XRN2: variants seen among roughly 807,000 people sequenced by gnomAD.
The protein encoded by XRN2 is DHM1-like protein.
In XRN2, 44 loss-of-function variants were observed where a neutral mutation model predicts 138.5. That is an observed-to-expected ratio of 0.32 (90% CI 0.25 to 0.41). The LOEUF is 0.41. Among genes scored for constraint, XRN2 ranks in the 10% least tolerant of loss-of-function variants. The probability of loss-of-function intolerance (pLI) is 1.00; values close to 1 mark genes in which losing one functional copy is unlikely to be tolerated. For synonymous variants in XRN2, 354 were observed against 369.4 expected (o/e 0.96, Z 0.48); for missense variants, 937 against 1,169.3 (o/e 0.80, Z 2.90).
In XRN2 at chr20:21,354,776, C is replaced by T; in HGVS notation, c.1937-13C>T. The T allele has an allele frequency of 6.2e-7, 1 of 1,613,416 alleles. No individual in the cohort carries two copies. The highest frequency in any genetic ancestry group is 1.6e-4 in the Middle Eastern group (1 of 6,062). ...TGGTAGCAGGGGTGGTTCATTTGCA[C>T]TTGTTTTTTCAGGTGTTGCTCTCTT... On this transcript the variant is annotated splice_polypyrimidine_tract_variant and intron_variant, in intron 20 of 29. Transcript: ENST00000377191.
chr20:21,376,097 C>CA (rs1255125230), intron 27 of XRN2, among the ~76,000 whole-genome samples: 3 of 152,174 alleles, frequency 2.0e-5, no homozygotes, highest in African/African-American at 7.2e-5. Flanking sequence ...CTCGGCCTCC[C>CA]AAAGTGCTGG....
At chr20:21,349,511 T>A in intron 20 of XRN2, 50 bp downstream of exon 20, 1 of 1,333,226 alleles carries the variant, frequency 7.5e-7, no homozygotes, top group Non-Finnish European at 1.1e-6. Context: ...AACATAATTT[T>A]TGAAATGAAA....
intron 1 of XRN2, among the ~76,000 whole-genome samples, chr20:21,317,635 C>T (rs1168224576): frequency 1.3e-5 from 2 of 152,096 alleles, no homozygotes; most frequent in Admixed American, 6.5e-5. Flanking sequence ...CACATCTTCT[C>T]GTATATTTTA....
At chr20:21,371,831 C>T (rs2038765741) in intron 27 of XRN2, among the ~76,000 whole-genome samples, 1 of 152,216 alleles carries the variant, frequency 6.6e-6, no homozygotes, top group Non-Finnish European at 1.5e-5. Flanking sequence ...GAATTTCATG[C>T]CCTTAGGGGC....
chr20:21,365,917 TATA>T (rs1241582768), intron 26 of XRN2, among the ~76,000 whole-genome samples: 1 of 121,118 alleles, frequency 8.3e-6, no homozygotes, highest in East Asian at 2.2e-4. Flanking sequence ...ATATATATAA[TATA>T]ATATATATAT....
In XRN2 at chr20:21,340,699, A is replaced by G. The variant is rs764309626; in HGVS notation, c.1279-22A>G. On this transcript the variant is annotated intron_variant, in intron 14 of 29. Coordinates refer to ENST00000377191, the MANE Select transcript of XRN2 (RefSeq NM_012255.5). ...GTGTTGTGATTTAATTTTAATTTCTACATTCATTCCATTTATGTTAGAGAG... is the reference window on the plus strand; with the variant it reads ...GTGTTGTGATTTAATTTTAATTTCTGCATTCATTCCATTTATGTTAGAGAG... 5 of 1,605,550 alleles carry G rather than the reference A, an allele frequency of 3.1e-6. No individual in the cohort carries two copies. In the South Asian group the frequency reaches 4.5e-5, roughly 14 times the overall value.
At position 21,329,856 on chromosome 20, in the gene XRN2, G is replaced by GGTGTGTGT. The variant is rs60020864; in HGVS notation, c.428-590_428-583dup. 2.6e-3 allele frequency among the ~76,000 whole-genome samples: 376 copies of GGTGTGTGT among 146,010 alleles called. 2 individuals carry two copies. The highest frequency in any genetic ancestry group is 8.5e-3 in the African/African-American group (337 of 39,502). On this transcript the variant is annotated intron_variant, in intron 4 of 29. Transcript: ENST00000377191. ...TTATCAAAAAATATGGCCTCTAACT[G>GGTGTGTGT]GTGTGTGTGTGTGTGTGTGTGTGTG...
chr20:21,389,307 C>T lies in XRN2; in HGVS notation c.2822C>T (p.Pro941Leu). The part of the protein sequence containing the change: ...YPREGRKYPL[P>L]PPSGRYNWN Reference sequence around the variant, plus strand: ...AGAGAAGGAAGGAAATACCCTTTGCCACCACCCTCAGGAAGATACAATTGG... The same window carrying T: ...AGAGAAGGAAGGAAATACCCTTTGCTACCACCCTCAGGAAGATACAATTGG... The change falls in exon 30 of 30, where the codon CCA (proline) becomes CTA (leucine). Residue 941 changes from proline (P) to leucine (L), a missense_variant. By Grantham distance (98) the Pro-to-Leu change is moderately conservative. This residue lies in a region of XRN2 where 372 missense variants were observed against 414.4 expected (regional missense o/e 0.90). Transcript: ENST00000377191. 6.2e-7 allele frequency: 1 copy of T among 1,613,166 alleles called. No individual in the cohort carries two copies. The highest frequency in any genetic ancestry group is 2.2e-5 in the East Asian group (1 of 44,812).
At chr20:21,329,667 A>G (rs929139868) in intron 4 of XRN2, among the ~76,000 whole-genome samples, 1 of 152,116 alleles carries the variant, frequency 6.6e-6, no homozygotes, top group Non-Finnish European at 1.5e-5. Context: ...TGAAGATGTG[A>G]TGAAATATAC....
At chr20:21,354,099 G>C (rs1212295163) in intron 20 of XRN2, among the ~76,000 whole-genome samples, 3 of 152,140 alleles carry the variant, frequency 2.0e-5, no homozygotes, top group Non-Finnish European at 2.9e-5. Context: ...CATTGTATTA[G>C]TGATGTGCTT....
Position 21,331,647 on chromosome 20 carries a change from A to G in XRN2, c.649+14A>G, listed in dbSNP as rs372725987. On this transcript the variant is annotated intron_variant, in intron 7 of 29. Coordinates refer to ENST00000377191, the MANE Select transcript of XRN2 (RefSeq NM_012255.5). ...GAAGGCAAAGAGGTAAAGCTTACTT[A>G]CCAATATTTGATTATATGTTCTATT... 1.6e-4 allele frequency: 260 copies of G among 1,608,840 alleles called. No homozygotes were observed. The highest frequency in any genetic ancestry group is 2.1e-4 in the Non-Finnish European group (251 of 1,178,188).
Position 21,332,386 on chromosome 20 carries a change from G to C in XRN2, c.804G>C (p.Gln268His). ...NKPKPCGLCN[Q>H]FGHEVKDCEG... ...CCAAACCATGTGGTCTTTGTAATCA[G>C]TTTGGACATGAGGTCAAAGATTGTG... Residue 268 changes from glutamine to histidine, a missense_variant, in exon 9 of 30, where the codon CAG becomes CAC. Coordinates refer to ENST00000377191, the MANE Select transcript of XRN2 (RefSeq NM_012255.5). The C allele has an allele frequency of 6.2e-7, 1 of 1,613,444 alleles. No individual in the cohort carries two copies. Among genetic ancestry groups the C allele is most frequent in the Non-Finnish European group, 8.5e-7 (1 of 1,179,672 alleles).
intron 27 of XRN2, among the ~76,000 whole-genome samples, chr20:21,370,603 T>C (rs560149067): frequency 2.2e-4 from 34 of 152,206 alleles, no homozygotes; most frequent in Non-Finnish European, 3.1e-4. Flanking sequence ...AGCCAGGGAC[T>C]GCTTTAGGTA....
chr20:21,353,115 T>C (rs2038529570), intron 20 of XRN2, among the ~76,000 whole-genome samples: 1 of 147,728 alleles, frequency 6.8e-6, no homozygotes, highest in South Asian at 2.1e-4. Context: ...AGTCTTATTT[T>C]ATATATGTAT....
At chr20:21,387,239 A>G (rs1472714926) in intron 29 of XRN2, among the ~76,000 whole-genome samples, 1 of 152,200 alleles carries the variant, frequency 6.6e-6, no homozygotes, top group Non-Finnish European at 1.5e-5. Flanking sequence ...AAGCCCTTTA[A>G]ATCATAGCAG....
intron 4 of XRN2, among the ~76,000 whole-genome samples, chr20:21,328,985 G>GT (rs1175464016): frequency 6.6e-6 from 1 of 152,140 alleles, no homozygotes; most frequent in Non-Finnish European, 1.5e-5. Context: ...TAGAAATATA[G>GT]TAAGTATTTT....
intron 1 of XRN2, 188 bp downstream of exon 1, chr20:21,303,661 C>T (rs2037771040): frequency 1.5e-6 from 2 of 1,332,370 alleles, no homozygotes; most frequent in Non-Finnish European, 1.9e-6. Context: ...ACCCCGGGGG[C>T]GAGGAATTCA....
chr20:21,339,897 G>C (rs1006535428), intron 14 of XRN2, among the ~76,000 whole-genome samples: 17 of 151,960 alleles, frequency 1.1e-4, no homozygotes, highest in Non-Finnish European at 2.1e-4. Flanking sequence ...ACTACGTTTT[G>C]TTAGAATTAA....
At chr20:21,340,907 T>C in intron 15 of XRN2, 55 bp downstream of exon 15, 5 of 1,596,052 alleles carry the variant, frequency 3.1e-6, no homozygotes, top group Non-Finnish European at 4.3e-6. Context: ...ACATACCTCT[T>C]GCAGGGGTGG....
Sources: gnomAD v4.1 joint callset for allele counts (sites outside exome capture counted in the v4.1 genomes callset) on GRCh38, gnomAD v4.1.1 for gene constraint, gnomAD v4.1.1 regional missense constraint, MANE v1.5 for transcripts, NCBI Gene and HGNC (gene_info 2026-07-23, HGNC 2026-07-21) for gene names.